Variants in CMIP observed in about 807,000 individuals in gnomAD.
The protein encoded by CMIP is c-Maf inducing protein.
A neutral mutation model predicts 97.3 loss-of-function variants in CMIP; 13 were observed. The observed-to-expected ratio is 0.13, with a 90% CI of 0.09 to 0.21. The LOEUF (loss-of-function observed/expected upper bound fraction) is 0.21, where lower values mean the gene tolerates loss of function less well. Among genes scored for constraint, CMIP ranks in the 10% least tolerant of loss-of-function variants. The pLI is 1.00. For missense variants in CMIP, 847 were observed against 1,024.9 expected (o/e 0.83, Z 2.37); for synonymous variants, 538 against 436.3 (o/e 1.23, Z -2.91).
chr16:81,532,187 C>G (rs905180546), intron 1 of CMIP, among the ~76,000 whole-genome samples: 1 of 152,228 alleles, frequency 6.6e-6, no homozygotes, highest in African/African-American at 2.4e-5. Context: ...AGTCCCAGGG[C>G]TCAGGAGTCC....
At chr16:81,672,640 G>C (rs1597229405) in intron 9 of CMIP, among the ~76,000 whole-genome samples, 2 of 152,140 alleles carry the variant, frequency 1.3e-5, no homozygotes, top group East Asian at 3.9e-4. Flanking sequence ...CAGTGGTGCA[G>C]TCATAGCTCA....
intron 3 of CMIP, among the ~76,000 whole-genome samples, chr16:81,644,109 G>A (rs953890119): frequency 6.6e-6 from 1 of 152,194 alleles, no homozygotes; most frequent in Non-Finnish European, 1.5e-5. Flanking sequence ...AACGAAACAT[G>A]CATTTACAAT....
At chr16:81,535,863 TC>T (rs1250907732) in intron 1 of CMIP, among the ~76,000 whole-genome samples, 2 of 152,130 alleles carry the variant, frequency 1.3e-5, no homozygotes, top group Non-Finnish European at 2.9e-5. Flanking sequence ...TCCCACAAGC[TC>T]CTAGGACTCC....
At chr16:81,517,353 T>C (rs926249455) in intron 1 of CMIP, among the ~76,000 whole-genome samples, 1 of 152,260 alleles carries the variant, frequency 6.6e-6, no homozygotes, top group Non-Finnish European at 1.5e-5. Context: ...TTCTGTGGAA[T>C]ATGATGCAGC....
At chr16:81,702,324 G>A (rs1907509759) in intron 16 of CMIP, among the ~76,000 whole-genome samples, 1 of 152,058 alleles carries the variant, frequency 6.6e-6, no homozygotes, top group Non-Finnish European at 1.5e-5. Context: ...GAGTCCCCCG[G>A]TGGGATTTGG....
intron 1 of CMIP, among the ~76,000 whole-genome samples, chr16:81,585,970 G>A (rs2091375423): frequency 6.6e-6 from 1 of 152,186 alleles, no homozygotes; most frequent in Non-Finnish European, 1.5e-5. Flanking sequence ...TGCCCAGGGC[G>A]CTGCCGGGGA....
At chr16:81,479,283 T>C (rs1908117203) in intron 1 of CMIP, among the ~76,000 whole-genome samples, 2 of 152,164 alleles carry the variant, frequency 1.3e-5, no homozygotes, top group African/African-American at 2.4e-5. Flanking sequence ...GGGCTACAGG[T>C]AGCTGAGGTG....
At chr16:81,491,664 C>A (rs960272296) in intron 1 of CMIP, among the ~76,000 whole-genome samples, 42 of 152,188 alleles carry the variant, frequency 2.8e-4, no homozygotes, top group Admixed American at 2.7e-3. Flanking sequence ...CCTCACTTGG[C>A]GAACTCTTGC....
intron 1 of CMIP, chr16:81,476,011 A>T: frequency 4.8e-6 from 3 of 625,408 alleles, no homozygotes; most frequent in Admixed American, 2.2e-5. Context: ...AAGATAAAAC[A>T]TAAGTCAAAC....
chr16:81,573,181 T>C (rs2091126763), intron 1 of CMIP, among the ~76,000 whole-genome samples: 1 of 152,090 alleles, frequency 6.6e-6, no homozygotes, highest in Non-Finnish European at 1.5e-5. Context: ...CCGTCTCTAC[T>C]AAAAATACAA....
chr16:81,565,796 T>C (rs962025790), intron 1 of CMIP, among the ~76,000 whole-genome samples: 2 of 152,214 alleles, frequency 1.3e-5, no homozygotes, highest in Admixed American at 6.5e-5. Flanking sequence ...TTGGCTTTCC[T>C]GTCTGCCTCC....
chr16:81,455,794 G>A (rs892312610), intron 1 of CMIP, among the ~76,000 whole-genome samples: 65 of 152,320 alleles, frequency 4.3e-4, no homozygotes, highest in Non-Finnish European at 3.7e-4. Context: ...TCCCAGGCCT[G>A]AGCTGTGGCT....
At position 81,663,097 on chromosome 16, in the gene CMIP, CAA is replaced by C. The variant is rs5818346; in HGVS notation, c.745-1157_745-1156del. Among the ~76,000 whole-genome samples, 917 of 144,646 alleles carry C rather than the reference CAA, an allele frequency of 6.3e-3. 8 individuals are homozygous for C. Among genetic ancestry groups the C allele is most frequent in the African/African-American group, 0.017 (678 of 39,518 alleles). The allele number at this position is 144,646 out of a possible 152,430, so 94.9% of individuals were successfully genotyped here. On this transcript the variant is annotated intron_variant, in intron 6 of 20. Coordinates refer to ENST00000537098, the MANE Select transcript of CMIP (RefSeq NM_198390.3). ...CTCATCTCGTCTACTTTTTTAACTCCAAAAAAAAAAAAAAAATTTTAAGGCTA... is the reference window on the plus strand; with the variant it reads ...CTCATCTCGTCTACTTTTTTAACTCCAAAAAAAAAAAAAATTTTAAGGCTA...
At chr16:81,527,788 T>C (rs2090160771) in intron 1 of CMIP, among the ~76,000 whole-genome samples, 1 of 152,254 alleles carries the variant, frequency 6.6e-6, no homozygotes, top group Non-Finnish European at 1.5e-5. Flanking sequence ...TTTATTTTTG[T>C]TGCTGGATCA....
intron 10 of CMIP, among the ~76,000 whole-genome samples, chr16:81,685,097 C>A (rs1844343781): frequency 6.6e-6 from 1 of 152,236 alleles, no homozygotes; most frequent in Non-Finnish European, 1.5e-5. Context: ...CCAGCCTCAC[C>A]TCCCCCACAA....
intron 7 of CMIP, chr16:81,665,760 A>G (rs2092596409): frequency 6.6e-6 from 1 of 152,242 alleles, no homozygotes; most frequent in Admixed American, 6.5e-5. Context: ...GAAGTGCATG[A>G]CACATGTGCT....
At chr16:81,587,658 C>T (rs2091404375) in intron 1 of CMIP, among the ~76,000 whole-genome samples, 1 of 152,212 alleles carries the variant, frequency 6.6e-6, no homozygotes, top group African/African-American at 2.4e-5. Flanking sequence ...GTGGGAATCT[C>T]AGCCGTCTCT....
At chr16:81,584,122 C>T (rs986879115) in intron 1 of CMIP, among the ~76,000 whole-genome samples, 2 of 152,022 alleles carry the variant, frequency 1.3e-5, no homozygotes, top group Admixed American at 6.6e-5. Context: ...GGAGTGTGGC[C>T]GAGCAGTAGG....
intron 1 of CMIP, among the ~76,000 whole-genome samples, chr16:81,512,313 C>T (rs1174084820): frequency 6.6e-6 from 1 of 152,126 alleles, no homozygotes; most frequent in South Asian, 2.1e-4. Flanking sequence ...GTCTTTCTTG[C>T]TGTGGTTGAT....
Sources: gnomAD v4.1 joint callset for allele counts (sites outside exome capture counted in the v4.1 genomes callset) on GRCh38, gnomAD v4.1.1 for gene constraint, MANE v1.5 for transcripts, NCBI Gene and HGNC (gene_info 2026-07-23, HGNC 2026-07-21) for gene names.